BMP3: variants seen among roughly 807,000 people sequenced by gnomAD.
BMP3 encodes the protein bone morphogenetic protein 3.
Under a neutral mutation model 38.1 loss-of-function variants are expected in BMP3, and 23 were observed. The observed-to-expected ratio is 0.60, with a 90% confidence interval of 0.43 to 0.86. BMP3 has a LOEUF of 0.86. Ranked by LOEUF, BMP3 falls within the 40% of genes least tolerant of loss-of-function variation. The pLI is 0.00. For synonymous variants in BMP3, 258 were observed against 225.7 expected, an observed-to-expected ratio of 1.14 and a Z score of -1.28; for missense variants, 628 against 579.6, an observed-to-expected ratio of 1.08 and a Z score of -0.86.
At chr4:81,047,745 A>C (rs1417535432) in intron 2 of BMP3, among the ~76,000 whole-genome samples, 3 of 152,140 alleles carry the variant, frequency 2.0e-5, no homozygotes, top group African/African-American at 7.2e-5. Context: ...GCACTTGGTT[A>C]TAATCATTGG....
rs1330750326 is a variant in BMP3 at position 81,032,113 on chromosome 4, C to T, written c.316+513C>T. On this transcript the variant is annotated intron_variant, in intron 1 of 2. Transcript: ENST00000282701. ...TTTTCTCCTTCCCCAGTCGCTTCTC[C>T]AGATATTGCACCCGCTCCTAATTCG... 2.1e-5 allele frequency among the ~76,000 whole-genome samples: 3 copies of T among 139,740 alleles called. No homozygotes were observed. In the Admixed American group the frequency reaches 2.5e-4, roughly 12 times the overall value. 91.7% of individuals were successfully genotyped at this position (139,740 alleles called of 152,430 possible).
intron 1 of BMP3, among the ~76,000 whole-genome samples, chr4:81,035,844 TC>T (rs1739907877): frequency 1.3e-5 from 2 of 151,964 alleles, no homozygotes; most frequent in South Asian, 4.1e-4. Flanking sequence ...TGCTAATGAG[TC>T]CCCATAAAAG....
intron 1 of BMP3, among the ~76,000 whole-genome samples, chr4:81,034,081 C>T (rs917774633): frequency 1.3e-5 from 2 of 152,116 alleles, no homozygotes; most frequent in South Asian, 2.1e-4. Context: ...AGAATATCTT[C>T]GATTGAAATT....
chr4:81,052,565 C>T (rs539549489), intron 2 of BMP3, among the ~76,000 whole-genome samples: 2 of 152,234 alleles, frequency 1.3e-5, no homozygotes, highest in Non-Finnish European at 2.9e-5. Context: ...ACTTTAGGCC[C>T]TCATAATTCC....
chr4:81,046,610 T>C lies in BMP3; in HGVS notation c.1189T>C (p.Tyr397His), dbSNP rs1243892327. ...TATCTCCCCCAAGTCCTTTGATGCC[T>C]ATTATTGCTCTGGAGCATGCCAGTT... Reference protein sequence around the residue: ...WIISPKSFDAYYCSGACQFPM... With the variant: ...WIISPKSFDAHYCSGACQFPM... Residue 397 changes from tyrosine (Y) to histidine (H), a missense_variant, in exon 2 of 3, where the codon TAT becomes CAT. By Grantham distance (83) the Tyr-to-His change is moderately conservative. Transcript: ENST00000282701. 6.2e-7 allele frequency: 1 copy of C among 1,613,930 alleles called. No individual in the cohort carries two copies. The highest frequency in any genetic ancestry group is 8.5e-7 in the Non-Finnish European group (1 of 1,179,912).
Position 81,030,856 on chromosome 4 carries a change from C to A in BMP3, c.-429C>A, listed in dbSNP as rs1739726333. 1 of 179,674 alleles carries A rather than the reference C, an allele frequency of 5.6e-6. No homozygotes were observed. Among genetic ancestry groups the A allele is most frequent in the Admixed American group, 6.0e-5 (1 of 16,692 alleles). The allele number at this position is 179,674 out of a possible 1,614,324, so 11.1% of individuals were successfully genotyped here. ...ATCGAGCGCCCTCCGGACCGCTGCG[C>A]ACAGCCCCGGCTCCGACCTGGCGCC... On this transcript the variant is annotated 5_prime_UTR_variant, in exon 1 of 3. Coordinates refer to ENST00000282701, the MANE Select transcript of BMP3 (RefSeq NM_001201.5).
intron 1 of BMP3, among the ~76,000 whole-genome samples, chr4:81,033,787 C>T (rs1211212122): frequency 6.6e-6 from 1 of 152,214 alleles, no homozygotes; most frequent in South Asian, 2.1e-4. Context: ...ATTTCCATAA[C>T]ACCCTTTCAC....
chr4:81,041,810 T>G (rs1451071876), intron 1 of BMP3, among the ~76,000 whole-genome samples: 12 of 152,218 alleles, frequency 7.9e-5, no homozygotes, highest in Admixed American at 7.9e-4. Context: ...TTCCTTCATC[T>G]TTAAAAGTCT....
intron 1 of BMP3, among the ~76,000 whole-genome samples, chr4:81,040,658 T>C (rs959261972): frequency 2.0e-5 from 3 of 152,192 alleles, no homozygotes; most frequent in African/African-American, 7.2e-5. Context: ...TGAGATAGTT[T>C]CCAGACCCCT....
intron 1 of BMP3, among the ~76,000 whole-genome samples, chr4:81,034,316 C>A (rs1425226891): frequency 3.9e-5 from 6 of 152,098 alleles, no homozygotes; most frequent in Non-Finnish European, 8.8e-5. Flanking sequence ...AGGTAATTCA[C>A]AAAATCTATT....
At chr4:81,045,165 A>T in intron 1 of BMP3, among the ~76,000 whole-genome samples, 1 of 152,120 alleles carries the variant, frequency 6.6e-6, no homozygotes, top group East Asian at 1.9e-4. Context: ...GTGTGTATCA[A>T]GTAGTACTTC....
Position 81,046,163 on chromosome 4 carries a change from G to A in BMP3, c.742G>A (p.Ala248Thr), listed in dbSNP as rs140292630. 1.9e-5 allele frequency: 31 copies of A among 1,614,030 alleles called. No individual in the cohort carries two copies. Among genetic ancestry groups the A allele is most frequent in the Middle Eastern group, 1.6e-4 (1 of 6,062 alleles). The change falls in exon 2 of 3, where the codon GCC becomes ACC. Residue 248 changes from alanine (A) to threonine (T), a missense_variant. By Grantham distance (58) the Ala-to-Thr change is moderately conservative. Transcript: ENST00000282701. ...PYILVYANDA[A>T]ISEPESVVSS... The stretch of plus-strand genomic sequence containing the variant: ...TATCTTGGTATATGCCAATGATGCC[G>A]CCATTTCTGAGCCAGAAAGTGTGGT...
chr4:81,030,960 C>T lies in BMP3; in HGVS notation c.-325C>T. 1 of 329,964 alleles carries T rather than the reference C, an allele frequency of 3.0e-6. No homozygotes were observed. The highest frequency in any genetic ancestry group is 5.6e-6 in the Non-Finnish European group (1 of 180,070). The allele number at this position is 329,964 out of a possible 1,614,324, so 20.4% of individuals were successfully genotyped here. On this transcript the variant is annotated 5_prime_UTR_variant, in exon 1 of 3. Coordinates refer to ENST00000282701, the MANE Select transcript of BMP3 (RefSeq NM_001201.5). ...AAAAATAAAGCGAGGAGGGAAGGTA[C>T]AGACAGATCTTGAAAACACCCGGGC...
intron 1 of BMP3, among the ~76,000 whole-genome samples, chr4:81,034,204 A>G (rs1323215823): frequency 6.6e-6 from 1 of 151,952 alleles, no homozygotes; most frequent in African/African-American, 2.4e-5. Flanking sequence ...CCTGAATGCT[A>G]TGTAGTTGGT....
chr4:81,042,897 G>A (rs1449428394), intron 1 of BMP3, among the ~76,000 whole-genome samples: 1 of 152,156 alleles, frequency 6.6e-6, no homozygotes, highest in African/African-American at 2.4e-5. Flanking sequence ...TAAGGCTCAA[G>A]TCTCTGAACA....
rs1739970877 is a variant in BMP3, at chr4:81,038,116, CCT to C, written c.316+6517_316+6518del. On this transcript the variant is annotated intron_variant, in intron 1 of 2. Transcript: ENST00000282701. ...CATGTTATTCCTGATCTCATCTGGC[CCT>C]TTTAGTGGGCCTATCCATAAACAAA... Among the ~76,000 whole-genome samples the C allele has an allele frequency of 5.9e-5, 9 of 151,974 alleles. 1 individual carries two copies. Among genetic ancestry groups the C allele is most frequent in the Admixed American group, 4.6e-4 (7 of 15,244 alleles).
chr4:81,031,985 T>C (rs73831266), intron 1 of BMP3, among the ~76,000 whole-genome samples: 3,288 of 152,022 alleles, frequency 0.022, 103 homozygotes, highest in African/African-American at 0.074. Flanking sequence ...GGAAATTCCT[T>C]TGGACTGGGC....
chr4:81,052,919 G>C (rs1451747106), intron 2 of BMP3, among the ~76,000 whole-genome samples: 1 of 151,908 alleles, frequency 6.6e-6, no homozygotes, highest in African/African-American at 2.4e-5. Flanking sequence ...ATCATTTTTT[G>C]TTTCAATCCT....
chr4:81,051,376 G>A (rs1740396372), intron 2 of BMP3, among the ~76,000 whole-genome samples: 1 of 152,112 alleles, frequency 6.6e-6, no homozygotes, highest in Admixed American at 6.6e-5. Context: ...TATACTAGGT[G>A]CTCAGGAACA....
Sources: allele counts gnomAD v4.1 joint callset (sites outside exome capture counted in the v4.1 genomes callset), GRCh38; gene constraint gnomAD v4.1.1; transcripts MANE v1.5; gene names NCBI Gene and HGNC (gene_info 2026-07-23, HGNC 2026-07-21).